KRIT1: variants seen among roughly 807,000 people sequenced by gnomAD.
KRIT1 encodes the protein KRIT1 ankyrin repeat containing, also known as krev interaction trapped protein 1.
A neutral mutation model predicts 95.8 loss-of-function variants in KRIT1; 45 were observed. The ratio of observed to expected loss-of-function variants is 0.47; its 90% CI spans 0.37 to 0.60. The LOEUF is 0.60. KRIT1 is among the 20% of genes least tolerant of loss of function. KRIT1 has a pLI of 0.00. For missense variants in KRIT1, 788 were observed against 877.5 expected, an observed-to-expected ratio of 0.90 and a Z score of 1.29; for synonymous variants, 282 against 278.8, an observed-to-expected ratio of 1.01 and a Z score of -0.11.
At chr7:92,214,106 A>G (rs1793445692) in intron 15 of KRIT1, 127 bp from the exon 16 acceptor site, 1 of 671,194 alleles carries the variant, frequency 1.5e-6, no homozygotes. Flanking sequence ...GCTGTAAAAT[A>G]TCAGAGAACT....
At chr7:92,230,975 G>A (rs1797162391) in intron 10 of KRIT1, among the ~76,000 whole-genome samples, 1 of 152,166 alleles carries the variant, frequency 6.6e-6, no homozygotes, top group East Asian at 1.9e-4. Flanking sequence ...CTAATATACA[G>A]TGAAGCTCCA....
At chr7:92,240,421 A>T (rs1374689583) in intron 5 of KRIT1, among the ~76,000 whole-genome samples, 1 of 152,210 alleles carries the variant, frequency 6.6e-6, no homozygotes, top group African/African-American at 2.4e-5. Flanking sequence ...GTAGTAACTG[A>T]ATCTTGGATA....
At chr7:92,224,532 G>C (rs1001247348) in intron 12 of KRIT1, among the ~76,000 whole-genome samples, 3 of 151,998 alleles carry the variant, frequency 2.0e-5, no homozygotes, top group Non-Finnish European at 2.9e-5. Context: ...AGGCATAATT[G>C]AGTTTCTTCT....
At chr7:92,220,073 T>C (rs1051228694) in intron 14 of KRIT1, among the ~76,000 whole-genome samples, 1 of 152,192 alleles carries the variant, frequency 6.6e-6, no homozygotes, top group African/African-American at 2.4e-5. Context: ...TCTTGATTAT[T>C]GGTGAAAGTG....
Position 92,234,441 on chromosome 7 carries a change from C to G in KRIT1, c.989+8G>C, listed in dbSNP as rs371130890. ...TTCTAAAAAGAAAAGAATAAATATT[C>G]CATTTACCAGCATGCATAATGAATG... On this transcript the variant is annotated splice_region_variant and intron_variant, in intron 10 of 18. Transcript: ENST00000394505. 9.5e-6 allele frequency: 15 copies of G among 1,583,078 alleles called. No homozygotes were observed. The highest frequency in any genetic ancestry group is 2.2e-5 in the East Asian group (1 of 44,726).
intron 13 of KRIT1, 38 bp downstream of exon 13, chr7:92,222,781 GAAT>G (rs779250401): frequency 1.7e-5 from 22 of 1,266,056 alleles, no homozygotes; most frequent in Non-Finnish European, 2.3e-5. Flanking sequence ...TCCCAAAAAG[GAAT>G]AATGAGGTTT....
chr7:92,243,299 GCTACA>G lies in KRIT1; in HGVS notation c.-3+698_-3+702del, dbSNP rs543988816. On this transcript the variant is annotated intron_variant, in intron 3 of 18. Coordinates refer to ENST00000394505, the MANE Select transcript of KRIT1 (RefSeq NM_194454.3). The stretch of plus-strand genomic sequence containing the variant: ...CTTCATTGAATAAATTTCTTTCATG[GCTACA>G]CTAAAGTGCATCTTTCTGTACTGAT... Among the ~76,000 whole-genome samples, 28 of 152,076 alleles carry G rather than the reference GCTACA, an allele frequency of 1.8e-4. No homozygotes were observed. In the South Asian group the frequency reaches 5.8e-3, roughly 32 times the overall value.
Position 92,235,568 on chromosome 7 carries a change from A to C in KRIT1, c.564T>G (p.Thr188=), listed in dbSNP as rs1798261466. ...FRPSPLERIK[T]NVINPAYATE... is the part of the protein sequence containing the mutation. ...TAGCATATGCAGGATTTATGACATT[A>C]GTTTTTATCCGCTCAAGAGGAGAAG... The change falls in exon 8 of 19, where the codon ACT becomes ACG. Residue 188 remains threonine (T), a synonymous_variant. Coordinates refer to ENST00000394505, the MANE Select transcript of KRIT1 (RefSeq NM_194454.3). 1 of 1,613,964 alleles carries C rather than the reference A, an allele frequency of 6.2e-7. No individual in the cohort carries two copies. Among genetic ancestry groups the C allele is most frequent in the Non-Finnish European group, 8.5e-7 (1 of 1,179,870 alleles).
At chr7:92,215,626 T>C (rs1793801521) in intron 14 of KRIT1, among the ~76,000 whole-genome samples, 1 of 152,236 alleles carries the variant, frequency 6.6e-6, no homozygotes, top group East Asian at 1.9e-4. Context: ...TGCAACACCA[T>C]GCCTGGCTAA....
intron 17 of KRIT1, among the ~76,000 whole-genome samples, chr7:92,211,306 G>A (rs144855880): frequency 2.0e-5 from 3 of 152,252 alleles, no homozygotes; most frequent in East Asian, 3.9e-4. Flanking sequence ...TAAAGAAAAC[G>A]TGGTATATAT....
rs1271927116 is a variant in KRIT1 at position 92,216,915 on chromosome 7, A to C, written c.1564-2138T>G. Among the ~76,000 whole-genome samples, 8 of 152,300 alleles carry C rather than the reference A, an allele frequency of 5.3e-5. No homozygotes were observed. The East Asian group carries it at 1.5e-3, about 29-fold the overall frequency. ...GTCACCATTTTTTCGTTTCTAATGA[A>C]ATCAGGATGTTTTCATCCTAAAAGG... On this transcript the variant is annotated intron_variant, in intron 14 of 18. Coordinates refer to ENST00000394505, the MANE Select transcript of KRIT1 (RefSeq NM_194454.3).
chr7:92,224,295 A>G (rs1172336161), intron 12 of KRIT1, among the ~76,000 whole-genome samples: 1 of 152,114 alleles, frequency 6.6e-6, no homozygotes, highest in African/African-American at 2.4e-5. Context: ...TTTTTATTTC[A>G]AACAGTTTTT....
At chr7:92,210,528 C>T (rs1421134597) in intron 17 of KRIT1, among the ~76,000 whole-genome samples, 3 of 152,168 alleles carry the variant, frequency 2.0e-5, no homozygotes, top group Admixed American at 6.5e-5. Flanking sequence ...ATACAGAAAT[C>T]AAGTCAATAT....
chr7:92,236,798 C>T (rs1352686933), intron 6 of KRIT1, among the ~76,000 whole-genome samples: 1 of 152,100 alleles, frequency 6.6e-6, no homozygotes, highest in Non-Finnish European at 1.5e-5. Flanking sequence ...CTGTAAAACT[C>T]ATTAATAAGA....
chr7:92,237,147 T>C (rs915400084), intron 6 of KRIT1, among the ~76,000 whole-genome samples: 10 of 152,132 alleles, frequency 6.6e-5, no homozygotes, highest in African/African-American at 2.4e-4. Context: ...CACAAAATTA[T>C]AGGCTGCAAG....
intron 7 of KRIT1, 113 bp downstream of exon 7, chr7:92,236,300 A>C (rs1303905572): frequency 8.4e-6 from 6 of 716,164 alleles, no homozygotes; most frequent in Non-Finnish European, 1.4e-5. Flanking sequence ...ATTTTTTAAT[A>C]CATATATTAT....
At chr7:92,201,242 T>C in intron 18 of KRIT1, 65 bp downstream of exon 18, 4 of 831,726 alleles carry the variant, frequency 4.8e-6, no homozygotes, top group South Asian at 4.2e-5. Flanking sequence ...GATGTCACTT[T>C]TTTAAAAAAA....
chr7:92,210,886 C>T (rs537815589), intron 17 of KRIT1, among the ~76,000 whole-genome samples: 3 of 152,208 alleles, frequency 2.0e-5, no homozygotes, highest in East Asian at 3.9e-4. Context: ...ACAGACATTT[C>T]TCAAAAGAAG....
In KRIT1 at chr7:92,236,551, G is replaced by C; in HGVS notation, c.356-9C>G. 6.7e-7 allele frequency: 1 copy of C among 1,499,018 alleles called. No homozygotes were observed. Among genetic ancestry groups the C allele is most frequent in the Non-Finnish European group, 9.3e-7 (1 of 1,077,252 alleles). 92.9% of individuals were successfully genotyped at this position (1,499,018 alleles called of 1,614,324 possible). A position where few individuals can be genotyped will look rare whatever the true frequency, so the allele number is the denominator to read the frequency against. Reference sequence around the variant, plus strand: ...TGTGTATTTAGTATTATCTGAAAAAGAAAAATGAAGAATTATGCTACCATA... The same window carrying C: ...TGTGTATTTAGTATTATCTGAAAAACAAAAATGAAGAATTATGCTACCATA... On this transcript the variant is annotated splice_polypyrimidine_tract_variant and intron_variant, in intron 6 of 18. Transcript: ENST00000394505.
Sources: gnomAD v4.1 joint callset for allele counts (sites outside exome capture counted in the v4.1 genomes callset) on GRCh38, gnomAD v4.1.1 for gene constraint, MANE v1.5 for transcripts, NCBI Gene and HGNC (gene_info 2026-07-23, HGNC 2026-07-21) for gene names.